The following SLC43A1 variants were observed in gnomAD, a reference collection of about 807,000 sequenced individuals.
SLC43A1 encodes the protein large neutral amino acids transporter small subunit 3.
A neutral mutation model predicts 59.5 loss-of-function variants in SLC43A1; 31 were observed. That is an observed-to-expected ratio of 0.52 (90% confidence interval 0.39 to 0.70). The LOEUF is 0.70. SLC43A1 is among the 30% of genes least tolerant of loss of function. The pLI is 0.00. For missense variants in SLC43A1, 598 were observed against 717.8 expected (o/e 0.83, Z 1.91); for synonymous variants, 259 against 290.9 (o/e 0.89, Z 1.12).
At chr11:57,505,616 G>A (rs1415282251) in intron 2 of SLC43A1, among the ~76,000 whole-genome samples, 1 of 152,046 alleles carries the variant, frequency 6.6e-6, no homozygotes, top group Non-Finnish European at 1.5e-5. Flanking sequence ...GTGTGGGGGT[G>A]GGTAACAGCA....
chr11:57,493,516 C>G (rs946702034), intron 8 of SLC43A1, among the ~76,000 whole-genome samples: 1 of 152,206 alleles, frequency 6.6e-6, no homozygotes, highest in Non-Finnish European at 1.5e-5. Context: ...CCAAGGAGCT[C>G]CTTCCACTTA....
intron 8 of SLC43A1, among the ~76,000 whole-genome samples, chr11:57,492,384 T>A (rs1166966748): frequency 1.6e-5 from 2 of 128,732 alleles, no homozygotes; most frequent in Non-Finnish European, 3.2e-5. Flanking sequence ...GCCCAGGAGT[T>A]CAAGACCAGC....
At position 57,514,786 on chromosome 11, in the gene SLC43A1, A is replaced by G; in HGVS notation, c.-14+658T>C. 1.0e-6 allele frequency: 1 copy of G among 984,168 alleles called. No individual in the cohort carries two copies. Among genetic ancestry groups the G allele is most frequent in the Non-Finnish European group, 1.2e-6 (1 of 828,850 alleles). The allele number at this position is 984,168 out of a possible 1,614,324, so 61.0% of individuals were successfully genotyped here. A position where few individuals can be genotyped will look rare whatever the true frequency, so the allele number is the denominator to read the frequency against. On this transcript the variant is annotated intron_variant, in intron 1 of 14. Transcript: ENST00000278426. The surrounding 1 kb of genome is among the most constrained non-coding windows in gnomAD (Gnocchi z 5.5). ...CCCGCGCGCCCCTCACTCACTCCGC[A>G]GGGCTCGGGGCACCAGGCTTTGCAC...
rs756024232 is a variant in SLC43A1, at chr11:57,496,148, C to T, written c.575G>A (p.Gly192Asp). The change falls in exon 7 of 15, where the codon GGT (glycine) becomes GAT (aspartate). Residue 192 changes from glycine (G) to aspartate (D), a missense_variant. Transcript: ENST00000278426. ...GAACATGATGACCACGAAGGCCACACCGGCATCGTAGATCAGCTGTGAGAG... is the reference window on the plus strand; with the variant it reads ...GAACATGATGACCACGAAGGCCACATCGGCATCGTAGATCAGCTGTGAGAG... ...FPGIKLIYDA[G>D]VAFVVIMFTW... 1.9e-6 allele frequency: 3 copies of T among 1,614,048 alleles called. No individual in the cohort carries two copies. The highest frequency in any genetic ancestry group is 1.7e-4 in the Middle Eastern group (1 of 6,050).
Position 57,515,147 on chromosome 11 carries a change from G to A in SLC43A1, c.-14+297C>T, listed in dbSNP as rs192412371. On this transcript the variant is annotated intron_variant, in intron 1 of 14. Transcript: ENST00000278426. This position sits in a 1 kb window ranked among gnomAD's most constrained non-coding sequence, Gnocchi z 5.3. Reference sequence around the variant, plus strand: ...TCGGTATTCTCATCTGTGAAACGGGGCTTTGGGTTCAAGCGCTCCAGGAGG... The same window carrying A: ...TCGGTATTCTCATCTGTGAAACGGGACTTTGGGTTCAAGCGCTCCAGGAGG... 6.8e-5 allele frequency: 60 copies of A among 888,800 alleles called. No homozygotes were observed. The East Asian group carries it at 6.6e-3, about 98-fold the overall frequency. 55.1% of individuals were successfully genotyped at this position (888,800 alleles called of 1,614,324 possible). A position where few individuals can be genotyped will look rare whatever the true frequency, so the allele number is the denominator to read the frequency against.
chr11:57,513,163 T>A (rs1944596589), intron 2 of SLC43A1, among the ~76,000 whole-genome samples: 1 of 152,144 alleles, frequency 6.6e-6, no homozygotes, highest in Admixed American at 6.5e-5. Flanking sequence ...GAAGCTGGGA[T>A]TCAAATCCAA....
At chr11:57,500,739 C>T (rs867899841) in intron 5 of SLC43A1, 40 bp downstream of exon 5, 4 of 1,592,438 alleles carry the variant, frequency 2.5e-6, no homozygotes, top group Middle Eastern at 1.7e-4. Flanking sequence ...TCACCCCACT[C>T]GGGGGAACTC....
At chr11:57,508,778 A>G (rs1274599248) in intron 2 of SLC43A1, among the ~76,000 whole-genome samples, 1 of 152,136 alleles carries the variant, frequency 6.6e-6, no homozygotes, top group African/African-American at 2.4e-5. Flanking sequence ...TGACAGAGTG[A>G]GACCCTATCT....
At chr11:57,503,300 T>C in intron 2 of SLC43A1, among the ~76,000 whole-genome samples, 1 of 147,940 alleles carries the variant, frequency 6.8e-6, no homozygotes, top group South Asian at 2.2e-4. Flanking sequence ...TCTACAGGTT[T>C]TTTTTTTTTT....
intron 13 of SLC43A1, among the ~76,000 whole-genome samples, chr11:57,487,894 G>C (rs2135144502): frequency 6.6e-6 from 1 of 152,230 alleles, no homozygotes; most frequent in Middle Eastern, 3.4e-3. Flanking sequence ...TGCCAAGCAG[G>C]GAACACACTT....
chr11:57,515,194 G>A lies in SLC43A1; in HGVS notation c.-14+250C>T. On this transcript the variant is annotated intron_variant, in intron 1 of 14. Transcript: ENST00000278426. This position sits in a 1 kb window ranked among gnomAD's most constrained non-coding sequence, Gnocchi z 5.3. ...GAGGTCCGCTGGAACTCTGGCAAAC[G>A]CGCAGCTCTAAGCAGAGGAAGTGCA... The A allele has an allele frequency of 2.8e-6, 1 of 356,510 alleles. No individual in the cohort carries two copies. Among genetic ancestry groups the A allele is most frequent in the Non-Finnish European group, 3.9e-6 (1 of 255,050 alleles). 22.1% of individuals were successfully genotyped at this position (356,510 alleles called of 1,614,324 possible).
Position 57,485,168 on chromosome 11 carries a change from C to A in SLC43A1, c.1608G>T (p.Arg536=). Reference sequence around the variant, plus strand: ...CATTGGCGGCGTACTCCTGCTGGAGCCGGGCACGGTAATAGAAGAGGTAGG... The same window carrying A: ...CATTGGCGGCGTACTCCTGCTGGAGACGGGCACGGTAATAGAAGAGGTAGG... ...LPSYLFYYRA[R]LQQEYAANGM... The change falls in exon 15 of 15, where the codon CGG becomes CGT. Residue 536 remains arginine (R), a synonymous_variant. Coordinates refer to ENST00000278426, the MANE Select transcript of SLC43A1 (RefSeq NM_003627.6). The A allele has an allele frequency of 1.2e-6, 2 of 1,614,042 alleles. No individual in the cohort carries two copies. Among genetic ancestry groups the A allele is most frequent in the South Asian group, 2.2e-5 (2 of 91,066 alleles).
intron 11 of SLC43A1, among the ~76,000 whole-genome samples, chr11:57,490,458 T>C (rs1430716194): frequency 6.6e-6 from 1 of 151,938 alleles, no homozygotes; most frequent in East Asian, 1.9e-4. Context: ...GTAACAGAAG[T>C]GATGGTATGC....
In SLC43A1 at chr11:57,496,140, A is replaced by G. The variant is rs1361502939; in HGVS notation, c.583T>C (p.Phe195Leu). ...IKLIYDAGVA[F>L]VVIMFTWSGL... is the part of the protein sequence containing the mutation. ...GACCAGGTGAACATGATGACCACGA[A>G]GGCCACACCGGCATCGTAGATCAGC... Residue 195 changes from phenylalanine (F) to leucine (L), a missense_variant, in exon 7 of 15, where the codon TTC (phenylalanine) becomes CTC (leucine). Coordinates refer to ENST00000278426, the MANE Select transcript of SLC43A1 (RefSeq NM_003627.6). The G allele has an allele frequency of 6.2e-7, 1 of 1,614,010 alleles. No individual in the cohort carries two copies. Among genetic ancestry groups the G allele is most frequent in the African/African-American group, 1.3e-5 (1 of 74,918 alleles).
chr11:57,492,223 ATT>A (rs1943927663), intron 8 of SLC43A1, among the ~76,000 whole-genome samples: 4 of 142,012 alleles, frequency 2.8e-5, no homozygotes, highest in Admixed American at 1.5e-4. Flanking sequence ...ATATATATTT[ATT>A]TATTTATTTA....
Position 57,500,781 on chromosome 11 carries a change from T to C in SLC43A1, c.463A>G (p.Thr155Ala), listed in dbSNP as rs1382463513. The change falls in exon 5 of 15, where the codon ACG becomes GCG. Residue 155 changes from threonine (T) to alanine (A), a missense_variant and splice_region_variant. Coordinates refer to ENST00000278426, the MANE Select transcript of SLC43A1 (RefSeq NM_003627.6). ...CAGGCCAGGCCTGTGACACTCACCG[T>C]GAGTGAAGTGAACGTTAGGCAGATG... ...GGICLTFTSL[T>A]LPNMFGNLRS... The C allele has an allele frequency of 6.2e-7, 1 of 1,613,870 alleles. No individual in the cohort carries two copies. Among genetic ancestry groups the C allele is most frequent in the Non-Finnish European group, 8.5e-7 (1 of 1,179,872 alleles).
chr11:57,500,110 C>A (rs1035139354), intron 5 of SLC43A1, among the ~76,000 whole-genome samples: 1 of 152,208 alleles, frequency 6.6e-6, no homozygotes, highest in Non-Finnish European at 1.5e-5. Context: ...AAGCCTTTAA[C>A]GCGTTTACAC....
Position 57,515,014 on chromosome 11 carries a change from G to T in SLC43A1, c.-14+430C>A, listed in dbSNP as rs969888739. On this transcript the variant is annotated intron_variant, in intron 1 of 14. Transcript: ENST00000278426. This position sits in a 1 kb window ranked among gnomAD's most constrained non-coding sequence, Gnocchi z 5.3. ...GGAGGAGAGGGAACGCGGGCGGCGC[G>T]GGGGCGGGGAGCGACAACTGGGATG... is the stretch of plus-strand genomic sequence containing the variant. 6 of 984,158 alleles carry T rather than the reference G, an allele frequency of 6.1e-6. No homozygotes were observed. The highest frequency in any genetic ancestry group is 1.2e-4 in the Admixed American group (2 of 16,220). The allele number at this position is 984,158 out of a possible 1,614,324, so 61.0% of individuals were successfully genotyped here.
chr11:57,495,873 C>T (rs1944066834), intron 7 of SLC43A1, among the ~76,000 whole-genome samples, 158 bp downstream of exon 7: 1 of 152,082 alleles, frequency 6.6e-6, no homozygotes. Context: ...GGAACAGGCT[C>T]ATAGTACAGA....
Sources: allele counts gnomAD v4.1 joint callset (sites outside exome capture counted in the v4.1 genomes callset), GRCh38; gene constraint gnomAD v4.1.1; non-coding constraint Gnocchi (gnomAD v3.1); transcripts MANE v1.5; gene names NCBI Gene and HGNC (gene_info 2026-07-23, HGNC 2026-07-21).